COL19A1: variants seen among roughly 807,000 people sequenced by gnomAD.
The protein encoded by COL19A1 is collagen type XIX alpha 1 chain, also known as collagen alpha-1(XIX) chain.
Under a neutral mutation model 190.2 loss-of-function variants are expected in COL19A1, and 159 were observed. The observed-to-expected ratio is 0.84, with a 90% CI of 0.73 to 0.95. The LOEUF (loss-of-function observed/expected upper bound fraction) is 0.95. Ranked by LOEUF, COL19A1 falls within the 40% of genes least tolerant of loss-of-function variation. COL19A1 has a pLI of 0.00. For synonymous variants in COL19A1, 509 were observed against 458.9 expected, an observed-to-expected ratio of 1.11 and a Z score of -1.39; for missense variants, 1,418 against 1,431.9, an observed-to-expected ratio of 0.99 and a Z score of 0.16.
intron 12 of COL19A1, among the ~76,000 whole-genome samples, chr6:70,026,537 A>C (rs1346039214): frequency 1.3e-5 from 2 of 152,352 alleles, no homozygotes; most frequent in East Asian, 3.9e-4. Flanking sequence ...TAATAAGTAG[A>C]TGATGTTATT....
intron 12 of COL19A1, among the ~76,000 whole-genome samples, chr6:70,026,031 TGGGCTCTCTG>T (rs60953261): frequency 0.02 from 3,001 of 152,268 alleles, 78 homozygotes; most frequent in African/African-American, 0.066. Flanking sequence ...TACAAGTATG[TGGGCTCTCTG>T]AGATAGAGGA....
chr6:69,921,514 G>GTATATTCATATATATTCATATATATTCA (rs1561998827), intron 4 of COL19A1, among the ~76,000 whole-genome samples: 16 of 17,490 alleles, frequency 9.1e-4, no homozygotes, highest in African/African-American at 3.5e-3. Context: ...ATATTCATAT[G>GTATATTCATATATATTCATATATATTCA]TATATTCATA....
At chr6:70,052,566 A>G (rs184186734) in intron 14 of COL19A1, among the ~76,000 whole-genome samples, 8 of 152,138 alleles carry the variant, frequency 5.3e-5, no homozygotes, top group Non-Finnish European at 1.2e-4. Context: ...TCTTCAGTCT[A>G]TACTGTTGAT....
intron 6 of COL19A1, among the ~76,000 whole-genome samples, chr6:69,931,992 C>T (rs1011740104): frequency 6.6e-6 from 1 of 151,914 alleles, no homozygotes; most frequent in African/African-American, 2.4e-5. Context: ...CAAAATAATG[C>T]ATTATTTAAT....
Position 70,055,799 on chromosome 6 carries a change from A to AT in COL19A1, c.1171-12624_1171-12623insT, listed in dbSNP as rs1319550848. On this transcript the variant is annotated intron_variant, in intron 14 of 50. Transcript: ENST00000620364. ...TCTGTATTAAAAAAAAAAAAAAAAA[A>AT]AAAAAATTCACATTTTAATGACTGT... Among the ~76,000 whole-genome samples, 4 of 150,844 alleles carry AT rather than the reference A, an allele frequency of 2.7e-5. No homozygotes were observed. The East Asian group carries it at 7.7e-4, about 29-fold the overall frequency.
chr6:69,885,879 C>G (rs961874768), intron 2 of COL19A1, among the ~76,000 whole-genome samples: 3 of 152,096 alleles, frequency 2.0e-5, no homozygotes, highest in Non-Finnish European at 4.4e-5. Flanking sequence ...CCGTAAAACT[C>G]CCAGAAGCGA....
At chr6:69,885,294 C>CT (rs1346486153) in intron 2 of COL19A1, among the ~76,000 whole-genome samples, 2 of 151,998 alleles carry the variant, frequency 1.3e-5, no homozygotes, top group African/African-American at 4.8e-5. Context: ...TTTGCCTTTG[C>CT]TTTTGAAAAA....
At chr6:70,074,226 C>T (rs1371128782) in intron 15 of COL19A1, among the ~76,000 whole-genome samples, 4 of 151,958 alleles carry the variant, frequency 2.6e-5, no homozygotes, top group Non-Finnish European at 4.4e-5. Flanking sequence ...TCATTGGGCG[C>T]GGTGGCTCAT....
At chr6:69,941,325 G>A (rs1773452992) in intron 9 of COL19A1, among the ~76,000 whole-genome samples, 1 of 152,138 alleles carries the variant, frequency 6.6e-6, no homozygotes, top group African/African-American at 2.4e-5. Flanking sequence ...ACAGCACTTA[G>A]AAACTGGCAT....
At chr6:70,199,895 C>G in intron 49 of COL19A1, 159 bp downstream of exon 49, 1 of 684,260 alleles carries the variant, frequency 1.5e-6, no homozygotes, top group Non-Finnish European at 2.4e-6. Flanking sequence ...TATGTAATCT[C>G]TTTATAATAT....
intron 15 of COL19A1, among the ~76,000 whole-genome samples, chr6:70,089,141 A>C (rs1782754829): frequency 6.6e-6 from 1 of 152,142 alleles, no homozygotes; most frequent in South Asian, 2.1e-4. Context: ...TTTTGAATGG[A>C]TTTAAATCAT....
At chr6:70,006,912 A>G (rs887756599) in intron 11 of COL19A1, among the ~76,000 whole-genome samples, 3 of 152,138 alleles carry the variant, frequency 2.0e-5, no homozygotes, top group Non-Finnish European at 2.9e-5. Context: ...TGCATATTGT[A>G]TAATCACTTT....
chr6:70,189,254 G>A (rs1350156263), intron 47 of COL19A1, among the ~76,000 whole-genome samples: 1 of 152,148 alleles, frequency 6.6e-6, no homozygotes, highest in African/African-American at 2.4e-5. Context: ...ACACAGACAG[G>A]ATAGAGGAAT....
chr6:69,932,338 T>C (rs1420654515), intron 6 of COL19A1, among the ~76,000 whole-genome samples: 5 of 152,044 alleles, frequency 3.3e-5, no homozygotes, highest in Non-Finnish European at 7.4e-5. Flanking sequence ...TGAACACCTA[T>C]TTCAGTGCCT....
Position 70,041,717 on chromosome 6 carries a change from T to TA in COL19A1, c.1170+5786dup, listed in dbSNP as rs202083070. Among the ~76,000 whole-genome samples, 65 of 151,844 alleles carry TA rather than the reference T, an allele frequency of 4.3e-4. No homozygotes were observed. In the East Asian group the frequency reaches 6.4e-3, roughly 15 times the overall value. ...TATTTAAATCTAGTTTAAAAAATTA[T>TA]AAAAAAAACAGAAATGTTCTAAACT... On this transcript the variant is annotated intron_variant, in intron 14 of 50. Transcript: ENST00000620364.
At chr6:70,143,134 A>G (rs73746874) in intron 23 of COL19A1, among the ~76,000 whole-genome samples, 3,846 of 152,300 alleles carry the variant, frequency 0.025, 167 homozygotes, top group African/African-American at 0.084. Flanking sequence ...AAATGTCAAA[A>G]GAAATAAAGA....
At chr6:70,186,531 A>G (rs893257280) in intron 46 of COL19A1, among the ~76,000 whole-genome samples, 2 of 152,156 alleles carry the variant, frequency 1.3e-5, no homozygotes, top group African/African-American at 2.4e-5. Context: ...TATTTCTGTT[A>G]ATTTTTAAGT....
intron 2 of COL19A1, among the ~76,000 whole-genome samples, chr6:69,882,204 G>A (rs1768609544): frequency 6.6e-6 from 1 of 152,014 alleles, no homozygotes; most frequent in African/African-American, 2.4e-5. Flanking sequence ...GTCACAGTTG[G>A]GACAGAATTT....
intron 4 of COL19A1, among the ~76,000 whole-genome samples, chr6:69,907,834 G>A (rs1454166193): frequency 2.0e-5 from 3 of 152,204 alleles, no homozygotes; most frequent in Non-Finnish European, 4.4e-5. Flanking sequence ...GCAAGCATTT[G>A]TTGAGTGTCA....
Sources: allele counts gnomAD v4.1 joint callset (sites outside exome capture counted in the v4.1 genomes callset), GRCh38; gene constraint gnomAD v4.1.1; transcripts MANE v1.5; gene names NCBI Gene and HGNC (gene_info 2026-07-23, HGNC 2026-07-21).